Variants in KLF12 observed in about 807,000 individuals in gnomAD.
KLF12 encodes the protein KLF transcription factor 12.
In KLF12, 9 loss-of-function variants were observed where a neutral mutation model predicts 37.8. The observed-to-expected ratio is 0.24, with a 90% CI of 0.14 to 0.42. The LOEUF (loss-of-function observed/expected upper bound fraction) is 0.42, where lower values mean the gene tolerates loss of function less well. Ranked by LOEUF, KLF12 falls within the 10% of genes least tolerant of loss-of-function variation. KLF12 has a pLI of 1.00. For missense variants in KLF12, 411 were observed against 516.0 expected, an observed-to-expected ratio of 0.80 and a Z score of 1.97; for synonymous variants, 208 against 202.1, an observed-to-expected ratio of 1.03 and a Z score of -0.25.
upstream of KLF12, among the ~76,000 whole-genome samples, chr13:74,134,334 G>A (rs945392071): frequency 8.6e-5 from 13 of 151,916 alleles, no homozygotes; most frequent in East Asian, 2.0e-3. Context: ...CAGGCGCTAA[G>A]TCGCTTTATT....
At chr13:74,097,845 C>T (rs1367890198) in intron 1 of KLF12, among the ~76,000 whole-genome samples, 1 of 149,398 alleles carries the variant, frequency 6.7e-6, no homozygotes, top group Non-Finnish European at 1.5e-5. Flanking sequence ...CCACAAACTG[C>T]TCCTCCAAAT....
chr13:74,083,493 G>GGAGACAC (rs1875057145), intron 1 of KLF12, among the ~76,000 whole-genome samples: 126 of 136,504 alleles, frequency 9.2e-4, no homozygotes, highest in African/African-American at 3.5e-3. Flanking sequence ...GGCGATAGGA[G>GGAGACAC]ACACACACAC....
chr13:73,989,750 C>A (rs1891916065), intron 2 of KLF12, among the ~76,000 whole-genome samples: 1 of 152,068 alleles, frequency 6.6e-6, no homozygotes, highest in African/African-American at 2.4e-5. Context: ...AGGGAGAGTC[C>A]ATGAGAACTG....
chr13:73,841,656 A>G (rs1473345161), intron 4 of KLF12, among the ~76,000 whole-genome samples: 2 of 152,158 alleles, frequency 1.3e-5, no homozygotes, highest in African/African-American at 2.4e-5. Context: ...GTTTATAAAT[A>G]TCATGTCTTA....
chr13:73,920,895 T>G (rs537309090), intron 3 of KLF12, among the ~76,000 whole-genome samples: 1 of 152,256 alleles, frequency 6.6e-6, no homozygotes, highest in African/African-American at 2.4e-5. Context: ...CCCCTCTGCC[T>G]TCTCCAGAAG....
chr13:74,081,047 C>T (rs1874856709), intron 1 of KLF12, among the ~76,000 whole-genome samples: 1 of 152,170 alleles, frequency 6.6e-6, no homozygotes, highest in Admixed American at 6.5e-5. Flanking sequence ...ATTCAGAAAG[C>T]CTCTGGTACG....
chr13:74,033,910 T>C, intron 1 of KLF12, among the ~76,000 whole-genome samples: 1 of 152,108 alleles, frequency 6.6e-6, no homozygotes, highest in Non-Finnish European at 1.5e-5. Context: ...TTATTACAGT[T>C]TCTTCCATAT....
intron 5 of KLF12, among the ~76,000 whole-genome samples, chr13:73,775,497 G>A (rs1880556259): frequency 6.6e-6 from 1 of 152,130 alleles, no homozygotes; most frequent in African/African-American, 2.4e-5. Context: ...TTTGACCTGA[G>A]ATATCCTGAT....
the KLF12 span, among the ~76,000 whole-genome samples, chr13:74,163,684 TAATAACTTAATTGCATATTTCAA>T: frequency 1.1e-4 from 16 of 152,238 alleles, 1 homozygote; most frequent in African/African-American, 3.9e-4. Context: ...CTATAGTCAA[TAATAACTTAATTGCATATTTCAA>T]AATAACTTAA....
chr13:74,060,461 G>A (rs891329126), intron 1 of KLF12, among the ~76,000 whole-genome samples: 3 of 143,878 alleles, frequency 2.1e-5, no homozygotes, highest in Admixed American at 7.0e-5. Flanking sequence ...TTTCGCCTCC[G>A]TGGTTAAATG....
chr13:73,941,432 G>A (rs1012280680), intron 3 of KLF12, among the ~76,000 whole-genome samples: 1 of 152,154 alleles, frequency 6.6e-6, no homozygotes, highest in African/African-American at 2.4e-5. Context: ...AATTATACAT[G>A]TGAGTGTAAT....
intron 1 of KLF12, among the ~76,000 whole-genome samples, chr13:74,054,782 C>A (rs773154895): frequency 6.6e-6 from 1 of 152,150 alleles, no homozygotes; most frequent in Non-Finnish European, 1.5e-5. Context: ...GATAGAATTG[C>A]TTGTACCTCA....
intron 4 of KLF12, among the ~76,000 whole-genome samples, chr13:73,838,311 A>G (rs2138632345): frequency 6.6e-6 from 1 of 152,336 alleles, no homozygotes; most frequent in Middle Eastern, 3.4e-3. Flanking sequence ...TGTATTTCAA[A>G]TTAGTCTACA....
intron 6 of KLF12, among the ~76,000 whole-genome samples, chr13:73,730,919 A>G (rs1339071526): frequency 6.6e-6 from 1 of 151,616 alleles, no homozygotes; most frequent in African/African-American, 2.4e-5. Context: ...TGGAAGTGCC[A>G]TGATTTTGTT....
Position 73,972,546 on chromosome 13 carries a change from G to C in KLF12, c.33+22444C>G, listed in dbSNP as rs1194726297. On this transcript the variant is annotated intron_variant, in intron 2 of 7. Transcript: ENST00000377669. ...AACATAAATGTCATAAGCTGGATGTGAAGGTTGATTCTGGGTTTCTTATAA... is the reference window on the plus strand; with the variant it reads ...AACATAAATGTCATAAGCTGGATGTCAAGGTTGATTCTGGGTTTCTTATAA... Among the ~76,000 whole-genome samples, 7 of 149,916 alleles carry C rather than the reference G, an allele frequency of 4.7e-5. No individual in the cohort carries two copies. The Admixed American group carries it at 4.7e-4, about 10-fold the overall frequency.
chr13:73,959,204 C>T (rs1476766195), intron 2 of KLF12, among the ~76,000 whole-genome samples: 2 of 149,872 alleles, frequency 1.3e-5, no homozygotes, highest in South Asian at 2.1e-4. Context: ...ATCATTGACA[C>T]AACCCTATTT....
At chr13:73,795,185 C>A (rs918048148) in intron 5 of KLF12, among the ~76,000 whole-genome samples, 1 of 152,188 alleles carries the variant, frequency 6.6e-6, no homozygotes, top group Admixed American at 6.5e-5. Context: ...GCCTGATCCA[C>A]GCAGACCTTC....
chr13:74,284,364 G>A, the KLF12 span, among the ~76,000 whole-genome samples: 9 of 152,136 alleles, frequency 5.9e-5, no homozygotes, highest in Admixed American at 1.3e-4. Context: ...AGTCTTGAAG[G>A]GGGACGTGAG....
chr13:74,004,619 GT>G (rs1455740934), intron 1 of KLF12, among the ~76,000 whole-genome samples: 2 of 152,066 alleles, frequency 1.3e-5, no homozygotes, highest in African/African-American at 4.8e-5. Context: ...GAGTTTTGGT[GT>G]TTTCCCCTCA....
Sources: allele counts gnomAD v4.1 joint callset (sites outside exome capture counted in the v4.1 genomes callset), GRCh38; gene constraint gnomAD v4.1.1; transcripts MANE v1.5; gene names NCBI Gene and HGNC (gene_info 2026-07-23, HGNC 2026-07-21).